The following COLQ variants were observed in gnomAD, a reference collection of about 807,000 sequenced individuals.
COLQ encodes collagen like tail subunit of asymmetric acetylcholinesterase, also known as acetylcholinesterase collagenic tail peptide.
In COLQ, 48 loss-of-function variants were observed where a neutral mutation model predicts 69.0. The observed-to-expected ratio is 0.70, with a 90% CI of 0.55 to 0.88. The LOEUF (loss-of-function observed/expected upper bound fraction) is 0.88. Among genes scored for constraint, COLQ ranks in the 40% least tolerant of loss-of-function variants. The probability of loss-of-function intolerance (pLI) is 0.00; values close to 1 mark genes in which losing one functional copy is unlikely to be tolerated. For missense variants in COLQ, 618 were observed against 594.6 expected, an observed-to-expected ratio of 1.04 and a Z score of -0.41; for synonymous variants, 217 against 211.2, an observed-to-expected ratio of 1.03 and a Z score of -0.24.
chr3:15,453,994 T>C, intron 15 of COLQ, 63 bp from the exon 16 acceptor site: 3 of 1,200,672 alleles, frequency 2.5e-6, no homozygotes, highest in South Asian at 2.6e-5. Flanking sequence ...TGCCTCAGCT[T>C]GTAAGGACCA....
intron 5 of COLQ, 118 bp downstream of exon 5, chr3:15,478,859 T>C: frequency 1.7e-6 from 2 of 1,200,528 alleles, no homozygotes; most frequent in South Asian, 1.2e-5. Flanking sequence ...ACCATCACTG[T>C]CCACCTGGGT....
In COLQ at chr3:15,488,206, C is replaced by T; in HGVS notation, c.321G>A (p.Gln107=). Residue 107 remains glutamine, a splice_region_variant and synonymous_variant, in exon 3 of 17, where the codon CAG becomes CAA. Transcript: ENST00000383788. ...GAGGGGTCCGGTAGAGTGCACCAACCTGGGGGCCGGGAGGCCCAGGGGAGC... is the reference window on the plus strand; with the variant it reads ...GAGGGGTCCGGTAGAGTGCACCAACTTGGGGGCCGGGAGGCCCAGGGGAGC... ...SLGSPGPPGP[Q]GPPGLPGKTG... 1.2e-6 allele frequency: 2 copies of T among 1,611,480 alleles called. No individual in the cohort carries two copies. Among genetic ancestry groups the T allele is most frequent in the Non-Finnish European group, 1.7e-6 (2 of 1,179,524 alleles).
chr3:15,501,667 G>A (rs1338990634), intron 1 of COLQ, among the ~76,000 whole-genome samples: 1 of 152,184 alleles, frequency 6.6e-6, no homozygotes, highest in Non-Finnish European at 1.5e-5. Context: ...GGGCTTCTGT[G>A]TCCATCCTTG....
Position 15,453,843 on chromosome 3 carries a change from C to T in COLQ, c.1284G>A (p.Glu428=). 2 of 1,610,454 alleles carry T rather than the reference C, an allele frequency of 1.2e-6. No homozygotes were observed. The highest frequency in any genetic ancestry group is 2.2e-5 in the East Asian group (1 of 44,682). Residue 428 remains glutamate, a synonymous_variant, in exon 16 of 17, where the codon GAG becomes GAA. Transcript: ENST00000383788. ...DGSDFGYLTC[E]TYLPGSYGDL... is the part of the protein sequence containing the mutation. The stretch of plus-strand genomic sequence containing the variant: ...GTCATCCCTACCCAGGGAGATAGGT[C>T]TCGCATGTCAGGTAGCCAAAGTCAG...
At chr3:15,468,250 G>C (rs1215109373) in intron 11 of COLQ, among the ~76,000 whole-genome samples, 1 of 151,072 alleles carries the variant, frequency 6.6e-6, no homozygotes, top group East Asian at 1.9e-4. Flanking sequence ...TCCAGGAAAG[G>C]CATTCTTTAT....
At chr3:15,458,625 A>C (rs1230188834) in intron 12 of COLQ, among the ~76,000 whole-genome samples, 6 of 152,190 alleles carry the variant, frequency 3.9e-5, no homozygotes, top group Admixed American at 3.9e-4. Context: ...ATAAGCCAAC[A>C]TGCAGGAAAG....
At chr3:15,507,857 T>C (rs1304664050) in intron 1 of COLQ, among the ~76,000 whole-genome samples, 1 of 152,148 alleles carries the variant, frequency 6.6e-6, no homozygotes, top group African/African-American at 2.4e-5. Context: ...TTTCATTGGG[T>C]TGTCAATTTT....
intron 16 of COLQ, among the ~76,000 whole-genome samples, chr3:15,452,876 T>A (rs2061969334): frequency 6.6e-6 from 1 of 152,054 alleles, no homozygotes; most frequent in Non-Finnish European, 1.5e-5. Context: ...GAGAAGGCAA[T>A]GGAGAGACAG....
intron 1 of COLQ, among the ~76,000 whole-genome samples, chr3:15,521,060 T>C (rs1303691805): frequency 1.3e-5 from 2 of 151,836 alleles, no homozygotes. Context: ...TTCGAGGGAC[T>C]ATTGTGGCCA....
intron 12 of COLQ, among the ~76,000 whole-genome samples, chr3:15,464,303 C>T (rs551781047): frequency 9.4e-4 from 143 of 152,306 alleles, no homozygotes; most frequent in African/African-American, 3.1e-3. Flanking sequence ...TTCTGATACC[C>T]ACGTATGGCA....
At chr3:15,515,589 C>A (rs1264154308) in intron 1 of COLQ, among the ~76,000 whole-genome samples, 1 of 152,154 alleles carries the variant, frequency 6.6e-6, no homozygotes, top group African/African-American at 2.4e-5. Flanking sequence ...GCAGACAGAT[C>A]ACAAGGTCAG....
chr3:15,516,178 G>A (rs955502855), intron 1 of COLQ, among the ~76,000 whole-genome samples: 1 of 152,216 alleles, frequency 6.6e-6, no homozygotes, highest in Non-Finnish European at 1.5e-5. Context: ...GGAAATATGG[G>A]GCGGTAAATC....
At chr3:15,504,587 G>T (rs1008828173) in intron 1 of COLQ, among the ~76,000 whole-genome samples, 1 of 152,182 alleles carries the variant, frequency 6.6e-6, no homozygotes, top group African/African-American at 2.4e-5. Flanking sequence ...GGCTGGGCAT[G>T]GTGGCTCATG....
At chr3:15,456,686 G>T in intron 13 of COLQ, 107 bp from the exon 14 acceptor site, 1 of 1,473,822 alleles carries the variant, frequency 6.8e-7, no homozygotes. Flanking sequence ...CTCAACAGTG[G>T]GAAGAGGGGT....
chr3:15,510,064 TA>T (rs573455164), intron 1 of COLQ, among the ~76,000 whole-genome samples: 2,201 of 152,066 alleles, frequency 0.014, 19 homozygotes, highest in Admixed American at 0.026. Flanking sequence ...TAGTCCCAGC[TA>T]CTCGGGAGGC....
rs758307097 is a variant in COLQ, at chr3:15,458,285, G to T, written c.855C>A (p.Pro285=). ...IMGPKGERGF[P]GPPGRCLCGP... is the part of the protein sequence containing the mutation. ...CACAAAGACATCTTCCTGGAGGCCC[G>T]GGAAATCCTCTTTCCCCTTTGGGTC... The change falls in exon 13 of 17, where the codon CCC becomes CCA. Residue 285 remains proline (P), a synonymous_variant. Transcript: ENST00000383788. 16 of 1,614,094 alleles carry T rather than the reference G, an allele frequency of 9.9e-6. No individual in the cohort carries two copies. In the South Asian group the frequency reaches 1.4e-4, roughly 14 times the overall value.
intron 1 of COLQ, chr3:15,496,217 T>A (rs111329177): frequency 0.016 from 2,279 of 145,554 alleles, 21 homozygotes; most frequent in Non-Finnish European, 0.024. Context: ...CCCCACCCCA[T>A]CCCCCTCACC....
At chr3:15,518,328 T>A (rs2063089687) in intron 1 of COLQ, among the ~76,000 whole-genome samples, 1 of 152,190 alleles carries the variant, frequency 6.6e-6, no homozygotes, top group South Asian at 2.1e-4. Flanking sequence ...CGTCATTGTG[T>A]CTAGCTTAAG....
At position 15,455,925 on chromosome 3, in the gene COLQ, T is replaced by C; in HGVS notation, c.1169A>G (p.Asn390Ser). ...GATGCAGTCGTCACCCACATCGCTG[T>C]TACCGTCGTCACACTCCTCCCCAGG... The part of the protein sequence containing the change: ...LQPGEECDDG[N>S]SDVGDDCIRC... Residue 390 changes from asparagine to serine, a missense_variant, in exon 15 of 17, where the codon AAC becomes AGC. Physicochemically the swap from Asn to Ser is conservative, Grantham distance 46. Coordinates refer to ENST00000383788, the MANE Select transcript of COLQ (RefSeq NM_005677.4). 1 of 1,614,162 alleles carries C rather than the reference T, an allele frequency of 6.2e-7. No homozygotes were observed.
Sources: gnomAD v4.1 joint callset for allele counts (sites outside exome capture counted in the v4.1 genomes callset) on GRCh38, gnomAD v4.1.1 for gene constraint, MANE v1.5 for transcripts, NCBI Gene and HGNC (gene_info 2026-07-23, HGNC 2026-07-21) for gene names.